LASP1: variants seen among roughly 807,000 people sequenced by gnomAD.
LASP1 encodes the protein LIM and SH3 domain protein 1.
Under a neutral mutation model 38.6 loss-of-function variants are expected in LASP1, and 10 were observed. The observed-to-expected ratio is 0.26, with a 90% confidence interval of 0.16 to 0.44. The LOEUF (loss-of-function observed/expected upper bound fraction) is 0.44, where lower values mean the gene tolerates loss of function less well. LASP1 is among the 20% of genes least tolerant of loss of function. The probability of loss-of-function intolerance (pLI) is 1.00; values close to 1 mark genes in which losing one functional copy is unlikely to be tolerated. For synonymous variants in LASP1, 132 were observed against 140.8 expected (o/e 0.94, Z 0.44); for missense variants, 243 against 375.7 (o/e 0.65, Z 2.92).
At chr17:38,896,856 C>T in intron 3 of LASP1, 1 of 945,630 alleles carries the variant, frequency 1.1e-6, no homozygotes. Flanking sequence ...TGATAAGAAG[C>T]CCCCTCCCCA....
intron 3 of LASP1, among the ~76,000 whole-genome samples, chr17:38,897,988 A>C (rs1914535165): frequency 6.6e-6 from 1 of 152,156 alleles, no homozygotes; most frequent in African/African-American, 2.4e-5. Context: ...ATGGGCAGGG[A>C]GTGAAGGGTC....
intron 1 of LASP1, among the ~76,000 whole-genome samples, chr17:38,876,210 G>A (rs1913771352): frequency 1.5e-5 from 2 of 129,460 alleles, no homozygotes; most frequent in South Asian, 5.0e-4. Flanking sequence ...ACAGAGTCTT[G>A]CTCTGTCACC....
Position 38,918,468 on chromosome 17 carries a change from A to G in LASP1, c.613-137A>G. 1.2e-6 allele frequency: 1 copy of G among 845,648 alleles called. No individual in the cohort carries two copies. The highest frequency in any genetic ancestry group is 1.9e-6 in the Non-Finnish European group (1 of 538,034). 52.4% of individuals were successfully genotyped at this position (845,648 alleles called of 1,614,324 possible). On this transcript the variant is annotated intron_variant, in intron 6 of 6. Coordinates refer to ENST00000318008, the MANE Select transcript of LASP1 (RefSeq NM_006148.4). The surrounding 1 kb of genome is among the most constrained non-coding windows in gnomAD (Gnocchi z 4.4). The stretch of plus-strand genomic sequence containing the variant: ...AGACACAGAGGTTAAGAATCTTTGC[A>G]GCAGAGCCTGGTGCTCCATTTCTGA...
chr17:38,872,548 C>G lies in LASP1; in HGVS notation c.69+2290C>G, dbSNP rs1175466717. Among the ~76,000 whole-genome samples, 9 of 152,194 alleles carry G rather than the reference C, an allele frequency of 5.9e-5. No homozygotes were observed. In the East Asian group the frequency reaches 1.7e-3, roughly 29 times the overall value. On this transcript the variant is annotated intron_variant, in intron 1 of 6. Coordinates refer to ENST00000318008, the MANE Select transcript of LASP1 (RefSeq NM_006148.4). ...CAGGTATCAGACCTATTCCTCTCCA[C>G]CTGCTCCAGGCAGTAAGGATAGGAC...
intron 6 of LASP1, among the ~76,000 whole-genome samples, chr17:38,917,819 A>G (rs1050167663): frequency 6.6e-6 from 1 of 151,992 alleles, no homozygotes; most frequent in African/African-American, 2.4e-5. Context: ...CCTCCTGAGT[A>G]GCTGAGACTA....
At chr17:38,872,551 G>C (rs528890772) in intron 1 of LASP1, among the ~76,000 whole-genome samples, 1 of 152,280 alleles carries the variant, frequency 6.6e-6, no homozygotes, top group African/African-American at 2.4e-5. Context: ...CTCTCCACCT[G>C]CTCCAGGCAG....
At chr17:38,907,558 G>T (rs997579686) in intron 4 of LASP1, among the ~76,000 whole-genome samples, 1 of 152,204 alleles carries the variant, frequency 6.6e-6, no homozygotes, top group Non-Finnish European at 1.5e-5. Context: ...AGATGGGAAT[G>T]AAAGTGTGCG....
intron 4 of LASP1, among the ~76,000 whole-genome samples, chr17:38,909,323 G>T (rs1462860793): frequency 6.6e-6 from 1 of 152,142 alleles, no homozygotes; most frequent in African/African-American, 2.4e-5. Context: ...AAAGTGAAGA[G>T]GAGGCTGGGC....
At chr17:38,888,605 A>G (rs1426521072) in intron 2 of LASP1, among the ~76,000 whole-genome samples, 2 of 152,226 alleles carry the variant, frequency 1.3e-5, no homozygotes, top group African/African-American at 4.8e-5. Flanking sequence ...ACAAATATTT[A>G]CTGAGCATCG....
chr17:38,911,215 A>G (rs1914931575), intron 4 of LASP1, among the ~76,000 whole-genome samples: 1 of 152,148 alleles, frequency 6.6e-6, no homozygotes, highest in Admixed American at 6.5e-5. Context: ...AGCACAGCCC[A>G]GTCCCAGGTG....
chr17:38,891,545 A>G (rs11655483), intron 3 of LASP1, among the ~76,000 whole-genome samples: 55,082 of 151,950 alleles, frequency 0.36, 11,477 homozygotes, highest in African/African-American at 0.57. Flanking sequence ...TTGAGGGACT[A>G]GCTGAGGTCC....
At chr17:38,912,802 A>C (rs578162421) in intron 4 of LASP1, among the ~76,000 whole-genome samples, 2 of 152,258 alleles carry the variant, frequency 1.3e-5, no homozygotes, top group South Asian at 4.1e-4. Context: ...ATGAACGACC[A>C]TTTCTCTCTA....
rs145516831 is a variant in LASP1 at position 38,889,233 on chromosome 17, C to A, written c.165-1187C>A. 9.9e-5 allele frequency among the ~76,000 whole-genome samples: 15 copies of A among 152,234 alleles called. 1 individual carries two copies. The East Asian group carries it at 2.7e-3, about 27-fold the overall frequency. Reference sequence around the variant, plus strand: ...GCAACCTCTGCCTCCTGAGTTCAAGCGATTCTCCTGCCTCAGCCTCCTGAG... The same window carrying A: ...GCAACCTCTGCCTCCTGAGTTCAAGAGATTCTCCTGCCTCAGCCTCCTGAG... On this transcript the variant is annotated intron_variant, in intron 2 of 6. Coordinates refer to ENST00000318008, the MANE Select transcript of LASP1 (RefSeq NM_006148.4).
rs1364286581 is a variant in LASP1 at position 38,918,424 on chromosome 17, C to T, written c.613-181C>T. Among the ~76,000 whole-genome samples, 1 of 152,186 alleles carries T rather than the reference C, an allele frequency of 6.6e-6. No individual in the cohort carries two copies. The highest frequency in any genetic ancestry group is 6.5e-5 in the Admixed American group (1 of 15,280). On this transcript the variant is annotated intron_variant, in intron 6 of 6. Coordinates refer to ENST00000318008, the MANE Select transcript of LASP1 (RefSeq NM_006148.4). The surrounding 1 kb of genome is among the most constrained non-coding windows in gnomAD (Gnocchi z 4.4). Reference sequence around the variant, plus strand: ...GTAGCTGCCAAAGGTTGTAAAAGATCGATTGCTCTCAGAAAGCAAGACACA... The same window carrying T: ...GTAGCTGCCAAAGGTTGTAAAAGATTGATTGCTCTCAGAAAGCAAGACACA...
chr17:38,880,057 T>G (rs1913897394), intron 2 of LASP1, among the ~76,000 whole-genome samples: 1 of 152,178 alleles, frequency 6.6e-6, no homozygotes, highest in African/African-American at 2.4e-5. Flanking sequence ...TTCGAATTCT[T>G]AAGGGCTCAC....
intron 4 of LASP1, among the ~76,000 whole-genome samples, chr17:38,912,093 C>T (rs924260393): frequency 6.6e-6 from 1 of 152,216 alleles, no homozygotes. Flanking sequence ...CGTGCTCGGC[C>T]TCACCACCCG....
At chr17:38,889,226 G>A (rs1301840770) in intron 2 of LASP1, among the ~76,000 whole-genome samples, 1 of 152,176 alleles carries the variant, frequency 6.6e-6, no homozygotes, top group Non-Finnish European at 1.5e-5. Context: ...TGCCTCCTGA[G>A]TTCAAGCGAT....
chr17:38,885,389 G>A (rs975658579), intron 2 of LASP1, among the ~76,000 whole-genome samples: 2 of 152,196 alleles, frequency 1.3e-5, no homozygotes, highest in Admixed American at 1.3e-4. Context: ...CCTGAAGCCC[G>A]AGGCTGCTGC....
rs1323275326 is a variant in LASP1, at chr17:38,914,493, T to G, written c.508+18T>G. On this transcript the variant is annotated intron_variant, in intron 5 of 6. Coordinates refer to ENST00000318008, the MANE Select transcript of LASP1 (RefSeq NM_006148.4). ...TGCCCCGGGTGAGTGCAGGTCCTGT[T>G]GGTGCAGATGACCTGAGGCGAGGCC... is the stretch of plus-strand genomic sequence containing the variant. The G allele has an allele frequency of 6.3e-7, 1 of 1,578,540 alleles. No individual in the cohort carries two copies. The highest frequency in any genetic ancestry group is 1.3e-5 in the African/African-American group (1 of 74,074).
Sources: gnomAD v4.1 joint callset for allele counts (sites outside exome capture counted in the v4.1 genomes callset) on GRCh38, gnomAD v4.1.1 for gene constraint, Gnocchi (gnomAD v3.1) non-coding constraint, MANE v1.5 for transcripts, NCBI Gene and HGNC (gene_info 2026-07-23, HGNC 2026-07-21) for gene names.